The following SLC1A1 variants were observed in gnomAD, a reference collection of about 807,000 sequenced individuals.
SLC1A1 encodes the protein excitatory amino acid transporter 3.
SLC1A1 carries 43 observed loss-of-function variants against 53.3 expected under a neutral mutation model. That is an observed-to-expected ratio of 0.81 (90% CI 0.63 to 1.04). SLC1A1 has a LOEUF of 1.04. Ranked by LOEUF, SLC1A1 falls within the 50% of genes least tolerant of loss-of-function variation. The pLI, the probability that SLC1A1 is intolerant of heterozygous loss-of-function variation, is 0.00. For missense variants in SLC1A1, 748 were observed against 664.9 expected, an observed-to-expected ratio of 1.12 and a Z score of -1.37; for synonymous variants, 307 against 243.2, an observed-to-expected ratio of 1.26 and a Z score of -2.44.
chr9:4,514,732 G>A (rs1166531077), intron 1 of SLC1A1, among the ~76,000 whole-genome samples: 3 of 152,094 alleles, frequency 2.0e-5, no homozygotes, highest in Non-Finnish European at 4.4e-5. Flanking sequence ...GCTGGAGAGT[G>A]ACTCCGCCAG....
intron 1 of SLC1A1, among the ~76,000 whole-genome samples, chr9:4,513,606 T>C (rs1011512187): frequency 2.6e-5 from 4 of 152,138 alleles, no homozygotes; most frequent in Non-Finnish European, 5.9e-5. Context: ...GATATGGGAA[T>C]ATAAAATGGT....
chr9:4,547,856 A>G (rs1455374487), intron 2 of SLC1A1, among the ~76,000 whole-genome samples: 6 of 150,798 alleles, frequency 4.0e-5, no homozygotes, highest in Admixed American at 3.9e-4. Flanking sequence ...ACTATTAAAA[A>G]CTTGTCTTAG....
Position 4,561,497 on chromosome 9 carries a change from C to T in SLC1A1, c.281C>T (p.Ala94Val), listed in dbSNP as rs776419055. The change falls in exon 3 of 12, where the codon GCT (alanine) becomes GTT (valine). Residue 94 changes from alanine to valine, a missense_variant. Coordinates refer to ENST00000262352, the MANE Select transcript of SLC1A1 (RefSeq NM_004170.6). ...GTATCCGGAAAAATTGGTCTGCGCG[C>T]TGTCGTGTATTATTTCTGTACCACT... is the stretch of plus-strand genomic sequence containing the variant. ...SNVSGKIGLR[A>V]VVYYFCTTLI... The T allele has an allele frequency of 6.2e-7, 1 of 1,610,120 alleles. No individual in the cohort carries two copies. Among genetic ancestry groups the T allele is most frequent in the Admixed American group, 1.7e-5 (1 of 60,010 alleles).
intron 4 of SLC1A1, 80 bp from the exon 5 acceptor site, chr9:4,565,967 C>A (rs1022289457): frequency 1.9e-6 from 2 of 1,066,354 alleles, no homozygotes; most frequent in South Asian, 1.2e-5. Context: ...TTATGTTATA[C>A]TAATTTCTAC....
rs1391561585 is a variant in SLC1A1, at chr9:4,578,091, A to G, written c.1193+1328A>G. On this transcript the variant is annotated intron_variant, in intron 10 of 11. Coordinates refer to ENST00000262352, the MANE Select transcript of SLC1A1 (RefSeq NM_004170.6). ...AGATAAATAGTAAATACTTTTTGAC[A>G]GATTGAATTTGAAATGCCTTTAAGA... 3.3e-5 allele frequency among the ~76,000 whole-genome samples: 5 copies of G among 152,358 alleles called. No individual in the cohort carries two copies. In the East Asian group the frequency reaches 9.6e-4, roughly 29 times the overall value.
chr9:4,533,804 T>A lies in SLC1A1; in HGVS notation c.92-10763T>A, dbSNP rs548593610. Among the ~76,000 whole-genome samples, 3 of 152,252 alleles carry A rather than the reference T, an allele frequency of 2.0e-5. No individual in the cohort carries two copies. In the South Asian group the frequency reaches 6.2e-4, roughly 32 times the overall value. ...CCTATTCCAAAATTGACCACTTAGTTGGAAGTAAAGCACTCCTCAGCAAAT... is the reference window on the plus strand; with the variant it reads ...CCTATTCCAAAATTGACCACTTAGTAGGAAGTAAAGCACTCCTCAGCAAAT... On this transcript the variant is annotated intron_variant, in intron 1 of 11. Coordinates refer to ENST00000262352, the MANE Select transcript of SLC1A1 (RefSeq NM_004170.6).
Position 4,502,437 on chromosome 9 carries a change from TGAGAGA to T in SLC1A1, c.91+11670_91+11675del, listed in dbSNP as rs1194932596. ...AAAGATTCCCTGAAGTATGAGACAT[TGAGAGA>T]GAAAGTGAGAGTGACATATTTTCTC... On this transcript the variant is annotated intron_variant, in intron 1 of 11. Transcript: ENST00000262352. 2.1e-5 allele frequency among the ~76,000 whole-genome samples: 3 copies of T among 144,308 alleles called. No individual in the cohort carries two copies. In the East Asian group the frequency reaches 6.1e-4, roughly 29 times the overall value. The allele number at this position is 144,308 out of a possible 152,430, so 94.7% of individuals were successfully genotyped here.
At chr9:4,512,008 A>G (rs1322266864) in intron 1 of SLC1A1, among the ~76,000 whole-genome samples, 2 of 152,248 alleles carry the variant, frequency 1.3e-5, no homozygotes, top group African/African-American at 2.4e-5. Flanking sequence ...AACAAAATAT[A>G]TATAGGATCT....
At chr9:4,584,136 T>C (rs1291674580) in intron 11 of SLC1A1, among the ~76,000 whole-genome samples, 2 of 152,202 alleles carry the variant, frequency 1.3e-5, no homozygotes, top group African/African-American at 4.8e-5. Context: ...TCCAGTGCTA[T>C]GTACTGTAGT....
At chr9:4,548,164 C>A (rs1290390437) in intron 2 of SLC1A1, among the ~76,000 whole-genome samples, 1 of 152,138 alleles carries the variant, frequency 6.6e-6, no homozygotes, top group Non-Finnish European at 1.5e-5. Flanking sequence ...TTCTCTGCCT[C>A]ATCTCTGCTC....
chr9:4,521,841 C>A (rs147895731), intron 1 of SLC1A1, among the ~76,000 whole-genome samples: 5 of 152,164 alleles, frequency 3.3e-5, no homozygotes, highest in East Asian at 1.9e-4. Context: ...TATTCAAGAC[C>A]TTTACAAAGG....
At chr9:4,564,563 C>G in intron 4 of SLC1A1, 105 bp downstream of exon 4, 1 of 767,762 alleles carries the variant, frequency 1.3e-6, no homozygotes, top group Non-Finnish European at 2.3e-6. Flanking sequence ...TTTTTAATAA[C>G]TTTTGAATTA....
rs371160177 is a variant in SLC1A1 at position 4,511,451 on chromosome 9, C to A, written c.91+20681C>A. 3.0e-3 allele frequency among the ~76,000 whole-genome samples: 458 copies of A among 152,192 alleles called. 3 individuals are homozygous for A. Among genetic ancestry groups the A allele is most frequent in the African/African-American group, 0.011 (438 of 41,530 alleles). ...TCTCAAGGGCCCCACCTTCTAACACCATCACATTGATGATTAGGTTTCAAA... is the reference window on the plus strand; with the variant it reads ...TCTCAAGGGCCCCACCTTCTAACACAATCACATTGATGATTAGGTTTCAAA... On this transcript the variant is annotated intron_variant, in intron 1 of 11. Transcript: ENST00000262352.
Position 4,539,891 on chromosome 9 carries a change from G to C in SLC1A1, c.92-4676G>C, listed in dbSNP as rs576482852. Among the ~76,000 whole-genome samples, 6 of 152,184 alleles carry C rather than the reference G, an allele frequency of 3.9e-5. No individual in the cohort carries two copies. In the East Asian group the frequency reaches 1.2e-3, roughly 29 times the overall value. ...GACCTTACCAACTTACTTATATTTA[G>C]CATAAAAGCTGGAGAAAGCGATAGG... On this transcript the variant is annotated intron_variant, in intron 1 of 11. Coordinates refer to ENST00000262352, the MANE Select transcript of SLC1A1 (RefSeq NM_004170.6).
chr9:4,535,267 G>C (rs1816631611), intron 1 of SLC1A1, among the ~76,000 whole-genome samples: 2 of 152,260 alleles, frequency 1.3e-5, no homozygotes, highest in South Asian at 2.1e-4. Flanking sequence ...AAGTCAAATT[G>C]TCCCTGTTTG....
chr9:4,572,148 C>G (rs1820115866), intron 6 of SLC1A1, 56 bp from the exon 7 acceptor site: 3 of 1,464,366 alleles, frequency 2.0e-6, no homozygotes, highest in Middle Eastern at 1.8e-4. Flanking sequence ...TGGACCTGTG[C>G]TTTCTAACAA....
chr9:4,494,443 C>G (rs189074799), intron 1 of SLC1A1, among the ~76,000 whole-genome samples: 1 of 151,906 alleles, frequency 6.6e-6, no homozygotes, highest in Non-Finnish European at 1.5e-5. Flanking sequence ...GAAATAAATT[C>G]TCTCATAGTA....
chr9:4,568,275 G>T (rs573097563), intron 6 of SLC1A1, among the ~76,000 whole-genome samples: 1 of 151,918 alleles, frequency 6.6e-6, no homozygotes. Flanking sequence ...AAAAATAGCC[G>T]GGTGTGATGG....
At chr9:4,518,430 G>T (rs1375122855) in intron 1 of SLC1A1, among the ~76,000 whole-genome samples, 2 of 151,736 alleles carry the variant, frequency 1.3e-5, no homozygotes, top group Non-Finnish European at 2.9e-5. Context: ...GCAGTGGCAT[G>T]ATCTCAGCTC....
Sources: allele counts gnomAD v4.1 joint callset (sites outside exome capture counted in the v4.1 genomes callset), GRCh38; gene constraint gnomAD v4.1.1; transcripts MANE v1.5; gene names NCBI Gene and HGNC (gene_info 2026-07-23, HGNC 2026-07-21).